Variants in JADE3 observed in about 807,000 individuals in gnomAD.
JADE3 encodes jade family PHD finger 3.
A neutral mutation model predicts 50.1 loss-of-function variants in JADE3; 2 were observed. The ratio of observed to expected loss-of-function variants is 0.04; its 90% confidence interval spans 0.02 to 0.13. The LOEUF (loss-of-function observed/expected upper bound fraction) is 0.13, where lower values mean the gene tolerates loss of function less well. Among genes scored for constraint, JADE3 ranks in the 10% least tolerant of loss-of-function variants. The probability of loss-of-function intolerance (pLI) is 1.00; values close to 1 mark genes in which losing one functional copy is unlikely to be tolerated. For missense variants in JADE3, 475 were observed against 634.4 expected, an observed-to-expected ratio of 0.75 and a Z score of 2.70; for synonymous variants, 218 against 232.9, an observed-to-expected ratio of 0.94 and a Z score of 0.58.
chrX:46,968,851 A>T (rs1252017132), intron 1 of JADE3, among the ~76,000 whole-genome samples: 4 of 111,687 alleles, frequency 3.6e-5, no homozygotes, highest in Non-Finnish European at 7.5e-5. Context: ...TGAGAATGTT[A>T]ATACCCCTCT....
At chrX:46,918,714 C>T (rs180949564) in intron 1 of JADE3, among the ~76,000 whole-genome samples, 127 of 111,956 alleles carry the variant, frequency 1.1e-3, no homozygotes, top group African/African-American at 3.8e-3. Flanking sequence ...GGCCCTAAGC[C>T]GGGATGGTTC....
intron 1 of JADE3, among the ~76,000 whole-genome samples, chrX:46,918,665 C>T (rs1193050607): frequency 9.0e-6 from 1 of 111,715 alleles, no homozygotes; most frequent in Non-Finnish European, 1.9e-5. Context: ...GATAGCCTTA[C>T]TCACACATCT....
intron 4 of JADE3, among the ~76,000 whole-genome samples, chrX:47,004,086 C>T (rs979243916): frequency 9.3e-6 from 1 of 107,758 alleles, no homozygotes; most frequent in Non-Finnish European, 1.9e-5. Context: ...TCGCCACGCC[C>T]AGCTGATTTT....
intron 6 of JADE3, among the ~76,000 whole-genome samples, chrX:47,033,120 G>T (rs1023614194): frequency 8.9e-6 from 1 of 111,947 alleles, no homozygotes; most frequent in Non-Finnish European, 1.9e-5. Context: ...CAATTGCTAC[G>T]ATTTACTGAG....
At chrX:47,033,541 C>A in intron 6 of JADE3, 80 bp from the exon 7 acceptor site, 1 of 799,538 alleles carries the variant, frequency 1.3e-6, no homozygotes, top group Non-Finnish European at 1.8e-6. Context: ...AGAGGATACT[C>A]TGTGACTGTG....
chrX:47,028,878 G>C (rs1556366198), intron 6 of JADE3, among the ~76,000 whole-genome samples: 1 of 111,385 alleles, frequency 9.0e-6, no homozygotes, highest in East Asian at 2.8e-4. Context: ...ATTTGTAAAT[G>C]CCTCCTCCTA....
chrX:46,992,069 G>A (rs1556356131), intron 3 of JADE3, among the ~76,000 whole-genome samples: 1 of 110,950 alleles, frequency 9.0e-6, no homozygotes, highest in Non-Finnish European at 1.9e-5. Context: ...TGTCCTTGAG[G>A]TTCTCTCTCC....
In JADE3 at chrX:46,921,431, C is replaced by T. The variant is rs941795652; in HGVS notation, c.-12+8712C>T. Among the ~76,000 whole-genome samples the T allele has an allele frequency of 9.0e-5, 10 of 111,353 alleles. No individual in the cohort carries two copies. In the Admixed American group the frequency reaches 9.5e-4, roughly 11 times the overall value. The stretch of plus-strand genomic sequence containing the variant: ...TAGTGGTGAGAGAGGACATCCTTAA[C>T]TTGTTCCAATCTTGGAAAGCATTCC... On this transcript the variant is annotated intron_variant, in intron 1 of 10. Coordinates refer to ENST00000614628, the MANE Select transcript of JADE3 (RefSeq NM_014735.5).
rs201740623 is a variant in JADE3 at position 47,058,608 on chromosome X, G to A, written c.2003G>A (p.Gly668Asp). 4 of 1,209,388 alleles carry A rather than the reference G, an allele frequency of 3.3e-6. No homozygotes were observed. The African/African-American group carries it at 7.0e-5, about 21-fold the overall frequency. ...QPNSKFAKSN[G>D]LEGSWSGNVT... ...AACTCCAAGTTTGCCAAATCCAATG[G>A]CCTGGAGGGCAGCTGGTCTGGGAAT... The change falls in exon 11 of 11, where the codon GGC becomes GAC. Residue 668 changes from glycine to aspartate, a missense_variant. Physicochemically the swap from Gly to Asp is moderately conservative, Grantham distance 94. Around this residue, in one of 6 missense-constraint regions of JADE3, gnomAD observed 243 missense variants for 238.2 expected, o/e 1.02. Coordinates refer to ENST00000614628, the MANE Select transcript of JADE3 (RefSeq NM_014735.5).
intron 1 of JADE3, among the ~76,000 whole-genome samples, chrX:46,936,759 G>A (rs1465449276): frequency 9.0e-6 from 1 of 111,711 alleles, no homozygotes; most frequent in African/African-American, 3.3e-5. Context: ...TGTTCATAGT[G>A]TCCATTTATT....
chrX:46,952,890 C>T (rs919399448), intron 1 of JADE3, among the ~76,000 whole-genome samples: 1 of 110,116 alleles, frequency 9.1e-6, no homozygotes, highest in Non-Finnish European at 1.9e-5. Flanking sequence ...CCCAGCTACT[C>T]AGGAGGCTGA....
chrX:47,048,953 A>G (rs911048172), intron 8 of JADE3, among the ~76,000 whole-genome samples: 5 of 111,794 alleles, frequency 4.5e-5, no homozygotes, highest in African/African-American at 1.3e-4. Context: ...TACAAGTGCT[A>G]TTTGCTTGCC....
chrX:46,929,352 A>G (rs1556339482), intron 1 of JADE3, among the ~76,000 whole-genome samples: 1 of 112,395 alleles, frequency 8.9e-6, no homozygotes. Context: ...TATGGATTAG[A>G]AAATTAACAT....
At chrX:47,025,350 C>T (rs1433316498) in intron 5 of JADE3, among the ~76,000 whole-genome samples, 2 of 111,371 alleles carry the variant, frequency 1.8e-5, no homozygotes, top group East Asian at 5.7e-4. Context: ...GAATCTCCAA[C>T]TTCAGTATTG....
rs1011396579 is a variant in JADE3 at position 47,058,874 on chromosome X, G to A, written c.2269G>A (p.Gly757Arg). The A allele has an allele frequency of 8.3e-7, 1 of 1,209,591 alleles. No individual in the cohort carries two copies. The highest frequency in any genetic ancestry group is 1.7e-5 in the African/African-American group (1 of 57,233). ...WGRQVLRRSA[G>R]RAPYQENDGY... ...TAGACAGGTTCTCAGGCGGTCTGCA[G>A]GGAGAGCTCCATATCAGGAAAATGA... The change falls in exon 11 of 11, where the codon GGG becomes AGG. Residue 757 changes from glycine (G) to arginine (R), a missense_variant. This residue lies in a region of JADE3 where 243 missense variants were observed against 238.2 expected (regional missense o/e 1.02). Transcript: ENST00000614628.
intron 4 of JADE3, 66 bp from the exon 5 acceptor site, chrX:47,024,658 A>C (rs1928868091): frequency 1.5e-6 from 1 of 673,240 alleles, no homozygotes; most frequent in African/African-American, 2.2e-5. Flanking sequence ...GCATTTAGCC[A>C]TCCATTCAGT....
chrX:47,038,993 C>T lies in JADE3; in HGVS notation c.900C>T (p.Ile300=). 1 of 1,203,285 alleles carries T rather than the reference C, an allele frequency of 8.3e-7. No homozygotes were observed. Among genetic ancestry groups the T allele is most frequent in the Non-Finnish European group, 1.1e-6 (1 of 888,395 alleles). ...AGAGGATGGAACCGATCACGAAGAT[C>T]TCCCACATCCCACCCAGTCGGTGGG... ...CPERMEPITK[I]SHIPPSRWAL... is the part of the protein sequence containing the mutation. The change falls in exon 8 of 11, where the codon ATC becomes ATT. Residue 300 remains isoleucine (I), a synonymous_variant. Coordinates refer to ENST00000614628, the MANE Select transcript of JADE3 (RefSeq NM_014735.5).
At chrX:46,951,903 A>G (rs1346734178) in intron 1 of JADE3, among the ~76,000 whole-genome samples, 1 of 110,821 alleles carries the variant, frequency 9.0e-6, no homozygotes, top group Non-Finnish European at 1.9e-5. Flanking sequence ...AAGAGTGTTC[A>G]GGTTTGGTGA....
intron 3 of JADE3, among the ~76,000 whole-genome samples, 189 bp downstream of exon 3, chrX:46,985,981 T>C (rs1556354482): frequency 9.0e-6 from 1 of 110,898 alleles, no homozygotes; most frequent in African/African-American, 3.3e-5. Context: ...AGTTTTTCAC[T>C]CCGTTAGTTC....
Sources: gnomAD v4.1 joint callset for allele counts (sites outside exome capture counted in the v4.1 genomes callset) on GRCh38, gnomAD v4.1.1 for gene constraint, gnomAD v4.1.1 regional missense constraint, MANE v1.5 for transcripts, NCBI Gene and HGNC (gene_info 2026-07-23, HGNC 2026-07-21) for gene names.